Variants in GLT1D1 observed in about 807,000 individuals in gnomAD.
GLT1D1 encodes the protein glycosyltransferase 1 domain containing 1.
In GLT1D1, 21 loss-of-function variants were observed where a neutral mutation model predicts 28.7. That is an observed-to-expected ratio of 0.73 (90% CI 0.52 to 1.05). GLT1D1 has a LOEUF of 1.05. GLT1D1 is among the 50% of genes least tolerant of loss of function. The pLI is 0.00. For missense variants in GLT1D1, 343 were observed against 330.6 expected (o/e 1.04, Z -0.29); for synonymous variants, 147 against 124.8 (o/e 1.18, Z -1.19).
chr12:128,911,116 G>A (rs1179498380), intron 4 of GLT1D1, among the ~76,000 whole-genome samples: 1 of 152,192 alleles, frequency 6.6e-6, no homozygotes, highest in Non-Finnish European at 1.5e-5. Context: ...TTTTAGTAGA[G>A]ACAGGGTTTC....
intron 1 of GLT1D1, among the ~76,000 whole-genome samples, chr12:128,860,415 T>A (rs1455446641): frequency 6.6e-6 from 1 of 152,192 alleles, no homozygotes; most frequent in African/African-American, 2.4e-5. Flanking sequence ...GAGCCGAGAT[T>A]GTACCACTGC....
At chr12:128,934,732 G>C (rs1478580181) in intron 4 of GLT1D1, among the ~76,000 whole-genome samples, 1 of 152,196 alleles carries the variant, frequency 6.6e-6, no homozygotes, top group African/African-American at 2.4e-5. Context: ...TGGCGAGCCA[G>C]CTTGGATTTA....
chr12:128,982,801 A>T (rs1388346936), intron 7 of GLT1D1, 128 bp from the exon 12 acceptor site: 3 of 718,872 alleles, frequency 4.2e-6, no homozygotes, highest in Non-Finnish European at 7.1e-6. Flanking sequence ...CCTAAAAGTC[A>T]CTCTCTCCAG....
Position 128,875,939 on chromosome 12 carries a change from G to C in GLT1D1, c.94G>C (p.Val32Leu). The change falls in exon 2 of 8, where the codon GTG becomes CTG. Residue 32 changes from valine to leucine, a missense_variant. Val to Leu is a conservative substitution (Grantham distance 32, BLOSUM62 1). Transcript: ENST00000281703. ...GGCCCATCTAGAGGCTGCAGGGCACGTGTGCGTTTTGAAGGATGCCTTTGA... is the reference window on the plus strand; with the variant it reads ...GGCCCATCTAGAGGCTGCAGGGCACCTGTGCGTTTTGAAGGATGCCTTTGA... 6.2e-7 allele frequency: 1 copy of C among 1,614,024 alleles called. No homozygotes were observed.
intron 4 of GLT1D1, 29 bp downstream of exon 7, chr12:128,926,483 G>A: frequency 1.7e-6 from 2 of 1,198,158 alleles, no homozygotes; most frequent in African/African-American, 1.5e-5. Flanking sequence ...TTCCTCCACT[G>A]TTTATAGAAT....
At chr12:128,853,995 G>C (rs7960553) in intron 1 of GLT1D1, among the ~76,000 whole-genome samples, 8 of 151,942 alleles carry the variant, frequency 5.3e-5, no homozygotes, top group African/African-American at 1.9e-4. Flanking sequence ...GATGCGCAGC[G>C]GGGTCCGCGG....
At chr12:128,971,432 TCCTC>T (rs1879042568) in intron 7 of GLT1D1, among the ~76,000 whole-genome samples, 1 of 106,176 alleles carries the variant, frequency 9.4e-6, no homozygotes, top group African/African-American at 3.6e-5. Flanking sequence ...CTTCCTCTCC[TCCTC>T]CCTCCCTTCC....
In GLT1D1 at chr12:128,904,623, C is replaced by CTTTT. The variant is rs59189244; in HGVS notation, c.375+5361_375+5364dup. Reference sequence around the variant, plus strand: ...GTGATGGTTAAAGCATGAAAACAGTCTTTTTTTTTTTTTTTTTTTTTTTTT... The same window carrying CTTTT: ...GTGATGGTTAAAGCATGAAAACAGTCTTTTTTTTTTTTTTTTTTTTTTTTTTTTT... On this transcript the variant is annotated intron_variant, in intron 4 of 7. Transcript: ENST00000281703. 5.2e-3 allele frequency among the ~76,000 whole-genome samples: 722 copies of CTTTT among 139,062 alleles called. 43 individuals are homozygous for CTTTT. Among genetic ancestry groups the CTTTT allele is most frequent in the Middle Eastern group, 0.012 (3 of 260 alleles). 91.2% of individuals were successfully genotyped at this position (139,062 alleles called of 152,430 possible).
At position 128,912,472 on chromosome 12, in the gene GLT1D1, A is replaced by G. The variant is rs746121871; in HGVS notation, c.375+13185A>G. ...TGTCCAGAGTCAAGGTAAGATTTTTAAAATATTTATTTACTTATGTACAGG... is the reference window on the plus strand; with the variant it reads ...TGTCCAGAGTCAAGGTAAGATTTTTGAAATATTTATTTACTTATGTACAGG... On this transcript the variant is annotated intron_variant, in intron 4 of 7. Transcript: ENST00000281703. The G allele has an allele frequency of 1.4e-6, 2 of 1,469,294 alleles. No homozygotes were observed. Among genetic ancestry groups the G allele is most frequent in the Non-Finnish European group, 1.8e-6 (2 of 1,093,362 alleles). The allele number at this position is 1,469,294 out of a possible 1,614,324, so 91.0% of individuals were successfully genotyped here.
intron 1 of GLT1D1, among the ~76,000 whole-genome samples, chr12:128,872,233 C>T (rs928290478): frequency 3.9e-5 from 6 of 152,148 alleles, no homozygotes; most frequent in East Asian, 1.9e-4. Context: ...CGTGAGCCAC[C>T]GCGCCTGGCC....
At chr12:128,923,361 C>T (rs771680326) in intron 4 of GLT1D1, among the ~76,000 whole-genome samples, 19 of 152,100 alleles carry the variant, frequency 1.2e-4, no homozygotes, top group Non-Finnish European at 2.4e-4. Flanking sequence ...TTGCATGCGT[C>T]GTGTACTGAG....
In GLT1D1 at chr12:128,914,977, C is replaced by T. The variant is rs1323202890; in HGVS notation, c.375+15690C>T. 3.3e-6 allele frequency: 5 copies of T among 1,535,778 alleles called. 1 individual carries two copies. In the South Asian group the frequency reaches 5.9e-5, roughly 18 times the overall value. ...CGCCGCTTTTAACTGGAATACCTTT[C>T]TTCAACGCTCTGGTGAGACATGAGA... On this transcript the variant is annotated intron_variant, in intron 4 of 7. Transcript: ENST00000281703.
intron 7 of GLT1D1, among the ~76,000 whole-genome samples, chr12:128,959,339 C>T (rs964179996): frequency 6.7e-6 from 1 of 149,136 alleles, no homozygotes; most frequent in Non-Finnish European, 1.5e-5. Context: ...TCATGCTTTT[C>T]ACTGCCTGCT....
intron 1 of GLT1D1, among the ~76,000 whole-genome samples, chr12:128,854,394 CGTGTGTGTGTGTGTGTGT>C (rs56655033): frequency 1.5e-4 from 21 of 143,870 alleles, no homozygotes; most frequent in South Asian, 2.3e-4. Context: ...TAACAGAAGC[CGTGTGTGTGTGTGTGTGT>C]GTGTGTGTGT....
chr12:128,933,412 A>T (rs1874163157), intron 4 of GLT1D1, among the ~76,000 whole-genome samples: 1 of 152,278 alleles, frequency 6.6e-6, no homozygotes, highest in African/African-American at 2.4e-5. Context: ...CAGTTCATGC[A>T]TTCTGATTTT....
chr12:128,943,654 G>A (rs191854569), intron 4 of GLT1D1, among the ~76,000 whole-genome samples: 52 of 152,330 alleles, frequency 3.4e-4, no homozygotes, highest in African/African-American at 1.2e-3. Context: ...TGGATACATT[G>A]TTGTAGCAAA....
chr12:128,940,614 G>A (rs1321738631), intron 4 of GLT1D1, among the ~76,000 whole-genome samples: 1 of 152,172 alleles, frequency 6.6e-6, no homozygotes, highest in East Asian at 1.9e-4. Context: ...GTTTGAACAT[G>A]TTGCTATTAA....
chr12:128,969,209 C>A (rs1878789269), intron 7 of GLT1D1, among the ~76,000 whole-genome samples: 1 of 141,574 alleles, frequency 7.1e-6, no homozygotes, highest in African/African-American at 3.1e-5. Flanking sequence ...TCCTCTCAGT[C>A]TCTGTTTCTC....
chr12:128,978,328 G>A (rs1269953709), intron 7 of GLT1D1, among the ~76,000 whole-genome samples: 2 of 151,890 alleles, frequency 1.3e-5, no homozygotes, highest in Non-Finnish European at 2.9e-5. Context: ...ATTTGATAAG[G>A]TGCCCGGTGT....
Sources: gnomAD v4.1 joint callset for allele counts (sites outside exome capture counted in the v4.1 genomes callset) on GRCh38, gnomAD v4.1.1 for gene constraint, MANE v1.5 for transcripts, NCBI Gene and HGNC (gene_info 2026-07-23, HGNC 2026-07-21) for gene names.